Variants in RSRC1 observed in about 807,000 individuals in gnomAD.
The protein encoded by RSRC1 is serine/Arginine-related protein 53.
RSRC1 carries 39 observed loss-of-function variants against 49.1 expected under a neutral mutation model. The ratio of observed to expected loss-of-function variants is 0.79; its 90% CI spans 0.61 to 1.04. The LOEUF is 1.04. RSRC1 is among the 50% of genes least tolerant of loss of function. The pLI is 0.00. For synonymous variants in RSRC1, 143 were observed against 130.8 expected (o/e 1.09, Z -0.63); for missense variants, 388 against 402.4 (o/e 0.96, Z 0.31).
intron 7 of RSRC1, among the ~76,000 whole-genome samples, chr3:158,472,526 T>G (rs1284031982): frequency 6.6e-6 from 1 of 152,082 alleles, no homozygotes; most frequent in Non-Finnish European, 1.5e-5. Flanking sequence ...CACTAATGAG[T>G]CATAATGCTC....
At chr3:158,430,454 C>T (rs974048418) in intron 6 of RSRC1, among the ~76,000 whole-genome samples, 4 of 151,650 alleles carry the variant, frequency 2.6e-5, no homozygotes, top group African/African-American at 9.7e-5. Flanking sequence ...CATAATGTAC[C>T]TAATATAAAT....
In RSRC1 at chr3:158,301,992, T is replaced by G. The variant is rs827165; in HGVS notation, c.531+3917T>G. Among the ~76,000 whole-genome samples, 104 of 14,444 alleles carry G rather than the reference T, an allele frequency of 7.2e-3. 1 individual carries two copies. The highest frequency in any genetic ancestry group is 0.053 in the Middle Eastern group (2 of 38). The allele number at this position is 14,444 out of a possible 152,430, so 9.5% of individuals were successfully genotyped here. On this transcript the variant is annotated intron_variant, in intron 5 of 9. Transcript: ENST00000611884. ...TTTTTTGTTTTTTGGGGTTTTTTTG[T>G]TTTTTTTTTTTGTTGTTGTTAAACT...
chr3:158,294,371 A>T (rs1036898476), intron 4 of RSRC1, among the ~76,000 whole-genome samples: 2 of 152,022 alleles, frequency 1.3e-5, no homozygotes, highest in Admixed American at 1.3e-4. Context: ...GTTCTTTTTC[A>T]TAACTTCATT....
intron 7 of RSRC1, among the ~76,000 whole-genome samples, chr3:158,502,270 G>A (rs1739641184): frequency 2.6e-5 from 4 of 152,110 alleles, no homozygotes; most frequent in Admixed American, 2.6e-4. Flanking sequence ...AGGTTACCTG[G>A]TACTTCTGTC....
intron 5 of RSRC1, among the ~76,000 whole-genome samples, chr3:158,301,992 T>TG (rs753681929): frequency 2.1e-4 from 3 of 14,462 alleles, no homozygotes; most frequent in African/African-American, 3.0e-4. Flanking sequence ...GGTTTTTTTG[T>TG]TTTTTTTTTT....
chr3:158,344,580 A>G lies in RSRC1; in HGVS notation c.532-10277A>G, dbSNP rs1730442580. On this transcript the variant is annotated intron_variant, in intron 5 of 9. Coordinates refer to ENST00000611884, the MANE Select transcript of RSRC1 (RefSeq NM_001271838.2). The stretch of plus-strand genomic sequence containing the variant: ...AGACATACAAAAACTGAAATAACTC[A>G]TCACCAAATAATCTGTACCACAAGA... Among the ~76,000 whole-genome samples the G allele has an allele frequency of 1.3e-5, 2 of 152,372 alleles. 1 individual carries two copies. Among genetic ancestry groups the G allele is most frequent in the African/African-American group, 4.8e-5 (2 of 41,594 alleles).
rs1051640104 is a variant in RSRC1, at chr3:158,160,182, A to C, written c.320+36191A>C. 3.3e-5 allele frequency among the ~76,000 whole-genome samples: 5 copies of C among 152,188 alleles called. 1 individual carries two copies. The highest frequency in any genetic ancestry group is 1.3e-4 in the Admixed American group (2 of 15,270). The stretch of plus-strand genomic sequence containing the variant: ...ATTAAAACATCCCCTGAAGTCTTTT[A>C]AGATGAATGATTGTGTCTGTGTCTC... On this transcript the variant is annotated intron_variant, in intron 3 of 9. Coordinates refer to ENST00000611884, the MANE Select transcript of RSRC1 (RefSeq NM_001271838.2).
At chr3:158,326,810 G>A (rs1729182379) in intron 5 of RSRC1, among the ~76,000 whole-genome samples, 1 of 152,188 alleles carries the variant, frequency 6.6e-6, no homozygotes, top group Non-Finnish European at 1.5e-5. Flanking sequence ...AATGGTACCA[G>A]CTCCTCCTTG....
At chr3:158,251,211 G>C (rs1014417151) in intron 4 of RSRC1, among the ~76,000 whole-genome samples, 8 of 152,014 alleles carry the variant, frequency 5.3e-5, no homozygotes, top group African/African-American at 1.9e-4. Flanking sequence ...ATGCTGTTTT[G>C]GTTACTATAG....
intron 6 of RSRC1, among the ~76,000 whole-genome samples, chr3:158,363,695 T>C (rs1731606968): frequency 6.6e-6 from 1 of 152,232 alleles, no homozygotes; most frequent in African/African-American, 2.4e-5. Context: ...ATAAAATAAT[T>C]TCTATCCTCA....
intron 4 of RSRC1, among the ~76,000 whole-genome samples, chr3:158,228,765 G>GTA (rs1175725138): frequency 1.7e-4 from 25 of 150,708 alleles, no homozygotes; most frequent in African/African-American, 2.4e-4. Context: ...ATGTGTGTGT[G>GTA]TATATATATA....
intron 7 of RSRC1, among the ~76,000 whole-genome samples, chr3:158,516,928 T>C (rs1740585646): frequency 6.6e-6 from 1 of 152,232 alleles, no homozygotes; most frequent in Non-Finnish European, 1.5e-5. Context: ...GCTTCCCAAG[T>C]GAGGCAGTGC....
chr3:158,197,468 AT>A (rs538465451), intron 3 of RSRC1, among the ~76,000 whole-genome samples: 1 of 151,806 alleles, frequency 6.6e-6, no homozygotes, highest in Non-Finnish European at 1.5e-5. Context: ...GATTTCATTG[AT>A]TTTTTGAAGG....
chr3:158,208,874 A>C (rs780753512), intron 4 of RSRC1, among the ~76,000 whole-genome samples: 1 of 152,196 alleles, frequency 6.6e-6, no homozygotes, highest in Non-Finnish European at 1.5e-5. Flanking sequence ...TATACATCCT[A>C]TCTAAGTCTT....
rs370190518 is a variant in RSRC1 at position 158,529,703 on chromosome 3, A to G, written c.653-7389A>G. Among the ~76,000 whole-genome samples, 9 of 152,094 alleles carry G rather than the reference A, an allele frequency of 5.9e-5. No individual in the cohort carries two copies. The East Asian group carries it at 1.7e-3, about 30-fold the overall frequency. On this transcript the variant is annotated intron_variant, in intron 7 of 9. Coordinates refer to ENST00000611884, the MANE Select transcript of RSRC1 (RefSeq NM_001271838.2). ...TCCCCACTGGAAAGGTATTACATAT[A>G]TCGATGATGAAAACAAAAATTTCCG... is the stretch of plus-strand genomic sequence containing the variant.
At chr3:158,331,477 T>C (rs1329504757) in intron 5 of RSRC1, among the ~76,000 whole-genome samples, 1 of 152,132 alleles carries the variant, frequency 6.6e-6, no homozygotes, top group Non-Finnish European at 1.5e-5. Context: ...ATTTTAGTTC[T>C]GTGTTGCTGG....
intron 6 of RSRC1, among the ~76,000 whole-genome samples, chr3:158,439,330 C>T (rs548176464): frequency 6.6e-6 from 1 of 152,170 alleles, no homozygotes; most frequent in South Asian, 2.1e-4. Context: ...ACCCAAAGGA[C>T]TATAAATCAT....
At chr3:158,140,059 G>A (rs1559915426) in intron 3 of RSRC1, among the ~76,000 whole-genome samples, 1 of 152,084 alleles carries the variant, frequency 6.6e-6, no homozygotes, top group Admixed American at 6.5e-5. Flanking sequence ...GGATTATTGT[G>A]AGAAGAAGTT....
At chr3:158,233,252 A>G (rs1324327599) in intron 4 of RSRC1, among the ~76,000 whole-genome samples, 1 of 152,072 alleles carries the variant, frequency 6.6e-6, no homozygotes, top group Non-Finnish European at 1.5e-5. Flanking sequence ...TTGTTTTTAT[A>G]TCAGTGGGCC....
Sources: allele counts gnomAD v4.1 joint callset (sites outside exome capture counted in the v4.1 genomes callset), GRCh38; gene constraint gnomAD v4.1.1; transcripts MANE v1.5; gene names NCBI Gene and HGNC (gene_info 2026-07-23, HGNC 2026-07-21).